GLI3: variants seen among roughly 807,000 people sequenced by gnomAD.
GLI3 encodes the protein transcription activator GLI3.
Under a neutral mutation model 100.8 loss-of-function variants are expected in GLI3, and 20 were observed. The ratio of observed to expected loss-of-function variants is 0.20; its 90% CI spans 0.14 to 0.29. The LOEUF (loss-of-function observed/expected upper bound fraction) is 0.29, where lower values mean the gene tolerates loss of function less well. Among genes scored for constraint, GLI3 ranks in the 10% least tolerant of loss-of-function variants. The pLI, the probability that GLI3 is intolerant of heterozygous loss-of-function variation, is 1.00. For missense variants in GLI3, 2,040 were observed against 2,128.5 expected (o/e 0.96, Z 0.82); for synonymous variants, 938 against 860.5 (o/e 1.09, Z -1.58).
chr7:42,119,919 G>T (rs949429625), intron 3 of GLI3, among the ~76,000 whole-genome samples: 1 of 152,114 alleles, frequency 6.6e-6, no homozygotes, highest in East Asian at 1.9e-4. Context: ...CAAAACTCCC[G>T]GGGATGTGTT....
chr7:41,963,299 T>C lies in GLI3; in HGVS notation c.*1031A>G, dbSNP rs1787054611. 1 of 152,248 alleles carries C rather than the reference T, an allele frequency of 6.6e-6. No homozygotes were observed. 9.4% of individuals were successfully genotyped at this position (152,248 alleles called of 1,614,324 possible). The stretch of plus-strand genomic sequence containing the variant: ...TAAATGTTACTGATACAGCCGCTTG[T>C]GGGGTTGTTTAAATACCTATATACT... On this transcript the variant is annotated 3_prime_UTR_variant, in exon 15 of 15. Coordinates refer to ENST00000395925, the MANE Select transcript of GLI3 (RefSeq NM_000168.6).
At chr7:41,969,585 C>G (rs1787314029) in intron 13 of GLI3, among the ~76,000 whole-genome samples, 1 of 152,208 alleles carries the variant, frequency 6.6e-6, no homozygotes, top group Non-Finnish European at 1.5e-5. Context: ...CAGCAGAGTG[C>G]TGGAGTGCCA....
chr7:42,243,734 C>T (rs753436617), intron 1 of GLI3, among the ~76,000 whole-genome samples: 3 of 152,160 alleles, frequency 2.0e-5, no homozygotes, highest in Non-Finnish European at 4.4e-5. Flanking sequence ...ACATTCACAA[C>T]GTTTTCACAC....
chr7:42,235,136 T>C (rs1468635814), intron 1 of GLI3, among the ~76,000 whole-genome samples: 1 of 152,206 alleles, frequency 6.6e-6, no homozygotes, highest in East Asian at 1.9e-4. Flanking sequence ...ACATAGCATT[T>C]TCCTCCTTCA....
At chr7:42,240,188 A>G (rs1385936563), upstream of GLI3, among the ~76,000 whole-genome samples, 2 of 152,190 alleles carry the variant, frequency 1.3e-5, no homozygotes, top group East Asian at 1.9e-4. Context: ...CTGAAATTCT[A>G]TCATAGATTG....
intron 2 of GLI3, among the ~76,000 whole-genome samples, chr7:42,156,515 A>T (rs532958528): frequency 1.1e-4 from 16 of 152,216 alleles, no homozygotes; most frequent in Non-Finnish European, 2.1e-4. Context: ...AAGAATGAAG[A>T]GTCTCTCTTT....
Position 42,146,815 on chromosome 7 carries a change from A to G in GLI3, c.367+1411T>C, listed in dbSNP as rs1786721831. On this transcript the variant is annotated intron_variant, in intron 3 of 14. Transcript: ENST00000395925. ...GAAAACTTAGGAATGTGCTCAGAGAAAAAGCCTACCAAGGCTATTTTAAAC... is the reference window on the plus strand; with the variant it reads ...GAAAACTTAGGAATGTGCTCAGAGAGAAAGCCTACCAAGGCTATTTTAAAC... 3.9e-5 allele frequency among the ~76,000 whole-genome samples: 6 copies of G among 152,348 alleles called. No homozygotes were observed. The South Asian group carries it at 1.2e-3, about 32-fold the overall frequency.
chr7:42,072,164 G>A (rs1164977240), intron 4 of GLI3, among the ~76,000 whole-genome samples: 2 of 152,186 alleles, frequency 1.3e-5, no homozygotes, highest in African/African-American at 2.4e-5. Flanking sequence ...CTCACAGCTC[G>A]ACTGGCAAGA....
rs1000554702 is a variant in GLI3 at position 41,962,918 on chromosome 7, ACT to A, written c.*1410_*1411del. The A allele has an allele frequency of 2.6e-5, 4 of 152,206 alleles. No individual in the cohort carries two copies. The highest frequency in any genetic ancestry group is 5.9e-5 in the Non-Finnish European group (4 of 68,012). 9.4% of individuals were successfully genotyped at this position (152,206 alleles called of 1,614,324 possible). A position where few individuals can be genotyped will look rare whatever the true frequency, so the allele number is the denominator to read the frequency against. On this transcript the variant is annotated 3_prime_UTR_variant, in exon 15 of 15. Transcript: ENST00000395925. The stretch of plus-strand genomic sequence containing the variant: ...AAGCAATATGCTGGAAAATCCATGT[ACT>A]CTTTGTGCACACACAGTATGACTTT...
chr7:42,041,741 T>G (rs1278667070), intron 6 of GLI3, among the ~76,000 whole-genome samples: 1 of 152,156 alleles, frequency 6.6e-6, no homozygotes, highest in Non-Finnish European at 1.5e-5. Flanking sequence ...CAATCCAACA[T>G]GCTTAGAGAT....
At position 42,244,628 on chromosome 7, in the gene GLI3, G is replaced by GGTTA. The variant is rs139710852; in HGVS notation, c.-43+19362_-43+19365dup. 5.4e-3 allele frequency among the ~76,000 whole-genome samples: 824 copies of GGTTA among 152,164 alleles called. 8 individuals are homozygous for GGTTA. Among genetic ancestry groups the GGTTA allele is most frequent in the African/African-American group, 0.019 (779 of 41,520 alleles). ...GGCCAGGCAATTAAGGCCAAAAAGC[G>GGTTA]GTTAGTTAGCCTGGATTATCCAGAT... is the stretch of plus-strand genomic sequence containing the variant. On this transcript the variant is annotated intron_variant, in intron 1 of 2. Transcript: ENST00000678978.
chr7:41,982,613 G>A (rs1787703476), intron 10 of GLI3, among the ~76,000 whole-genome samples: 1 of 151,430 alleles, frequency 6.6e-6, no homozygotes, highest in Non-Finnish European at 1.5e-5. Flanking sequence ...GAGGCAGGAG[G>A]GTCACTTGAG....
intron 4 of GLI3, among the ~76,000 whole-genome samples, chr7:42,063,856 A>C (rs1003769559): frequency 3.3e-5 from 5 of 152,220 alleles, no homozygotes; most frequent in Non-Finnish European, 7.3e-5. Context: ...ATTCAAACCC[A>C]GTCTATGCTT....
At chr7:42,132,261 C>T (rs1049680718) in intron 3 of GLI3, among the ~76,000 whole-genome samples, 27 of 76,076 alleles carry the variant, frequency 3.5e-4, no homozygotes, top group East Asian at 1.7e-3. Flanking sequence ...CCACTACGCC[C>T]GGCTAATTTT....
intron 3 of GLI3, among the ~76,000 whole-genome samples, chr7:42,078,142 G>A (rs942690113): frequency 6.6e-6 from 1 of 152,150 alleles, no homozygotes; most frequent in Non-Finnish European, 1.5e-5. Flanking sequence ...CGCTGAAGTC[G>A]GCTGCATCCC....
At chr7:42,046,593 T>A (rs1784250332) in intron 5 of GLI3, among the ~76,000 whole-genome samples, 1 of 152,196 alleles carries the variant, frequency 6.6e-6, no homozygotes, top group Non-Finnish European at 1.5e-5. Context: ...TATATACTCG[T>A]CATCAAATGC....
At chr7:42,193,797 T>C (rs1420206735) in intron 2 of GLI3, among the ~76,000 whole-genome samples, 1 of 152,146 alleles carries the variant, frequency 6.6e-6, no homozygotes. Flanking sequence ...GATTACGAAA[T>C]ATTCCAACAT....
chr7:42,125,609 C>T (rs1256576591), intron 3 of GLI3, among the ~76,000 whole-genome samples: 1 of 152,104 alleles, frequency 6.6e-6, no homozygotes, highest in East Asian at 1.9e-4. Context: ...TTCTGCCCTG[C>T]GACATTCTTC....
chr7:42,055,044 T>A (rs1225686804), intron 4 of GLI3, among the ~76,000 whole-genome samples: 1 of 134,812 alleles, frequency 7.4e-6, no homozygotes, highest in African/African-American at 2.9e-5. Context: ...TGTATACATA[T>A]ATATATACAC....
Sources: allele counts gnomAD v4.1 joint callset (sites outside exome capture counted in the v4.1 genomes callset), GRCh38; gene constraint gnomAD v4.1.1; transcripts MANE v1.5; gene names NCBI Gene and HGNC (gene_info 2026-07-23, HGNC 2026-07-21).